The following KIAA1549L variants were observed in gnomAD, a reference collection of about 807,000 sequenced individuals.
KIAA1549L encodes KIAA1549 like.
A neutral mutation model predicts 160.7 loss-of-function variants in KIAA1549L; 88 were observed. The ratio of observed to expected loss-of-function variants is 0.55; its 90% CI spans 0.46 to 0.65. The LOEUF is 0.65. Among genes scored for constraint, KIAA1549L ranks in the 30% least tolerant of loss-of-function variants. The probability of loss-of-function intolerance (pLI) is 0.00; values close to 1 mark genes in which losing one functional copy is unlikely to be tolerated. For synonymous variants in KIAA1549L, 950 were observed against 976.7 expected, an observed-to-expected ratio of 0.97 and a Z score of 0.51; for missense variants, 2,258 against 2,437.5, an observed-to-expected ratio of 0.93 and a Z score of 1.55.
intron 1 of KIAA1549L, among the ~76,000 whole-genome samples, chr11:33,405,162 A>T (rs913589647): frequency 6.6e-6 from 1 of 152,206 alleles, no homozygotes; most frequent in Admixed American, 6.5e-5. Context: ...GAATGAAGAA[A>T]ATAGTAGTGA....
Position 33,669,820 on chromosome 11 carries a change from C to G in KIAA1549L, c.*1666C>G, listed in dbSNP as rs895143547. 6.6e-6 allele frequency: 1 copy of G among 152,242 alleles called. No individual in the cohort carries two copies. The highest frequency in any genetic ancestry group is 6.5e-5 in the Admixed American group (1 of 15,282). 9.4% of individuals were successfully genotyped at this position (152,242 alleles called of 1,614,324 possible). A position where few individuals can be genotyped will look rare whatever the true frequency, so the allele number is the denominator to read the frequency against. ...GATGATGTGTCATGGAACCTTCAAA[C>G]AAGTCTCTTGTTCGGATGATAATAG... On this transcript the variant is annotated 3_prime_UTR_variant, in exon 21 of 21. Coordinates refer to ENST00000658780, the MANE Select transcript of KIAA1549L (RefSeq NM_012194.3).
At chr11:33,557,112 C>T (rs1377816603) in intron 6 of KIAA1549L, among the ~76,000 whole-genome samples, 1 of 152,128 alleles carries the variant, frequency 6.6e-6, no homozygotes, top group Non-Finnish European at 1.5e-5. Context: ...CTCAGCCTCC[C>T]AAGCAGCTGG....
rs978472499 is a variant in KIAA1549L, at chr11:33,673,340, A to G, written c.*5186A>G. Reference sequence around the variant, plus strand: ...TGCAAATTATGGAGAGAGGCCATCAACATATTTTACATAAATTACTGTGGC... The same window carrying G: ...TGCAAATTATGGAGAGAGGCCATCAGCATATTTTACATAAATTACTGTGGC... On this transcript the variant is annotated 3_prime_UTR_variant, in exon 21 of 21. Coordinates refer to ENST00000658780, the MANE Select transcript of KIAA1549L (RefSeq NM_012194.3). 1.3e-5 allele frequency: 2 copies of G among 152,218 alleles called. No homozygotes were observed. Among genetic ancestry groups the G allele is most frequent in the African/African-American group, 4.8e-5 (2 of 41,442 alleles). The allele number at this position is 152,218 out of a possible 1,614,324, so 9.4% of individuals were successfully genotyped here. A position where few individuals can be genotyped will look rare whatever the true frequency, so the allele number is the denominator to read the frequency against.
At chr11:33,552,350 A>G in intron 6 of KIAA1549L, 109 bp downstream of exon 6, 1 of 1,206,154 alleles carries the variant, frequency 8.3e-7, no homozygotes, top group Non-Finnish European at 1.2e-6. Context: ...TATAAATGTA[A>G]CTTTGTACTT....
At chr11:33,387,971 C>A (rs1217095748) in intron 1 of KIAA1549L, among the ~76,000 whole-genome samples, 1 of 151,860 alleles carries the variant, frequency 6.6e-6, no homozygotes, top group Non-Finnish European at 1.5e-5. Flanking sequence ...AGTGTGAGGC[C>A]CAGATAAATA....
intron 16 of KIAA1549L, among the ~76,000 whole-genome samples, chr11:33,627,976 G>A (rs1265922073): frequency 1.3e-5 from 2 of 151,712 alleles, no homozygotes; most frequent in African/African-American, 4.8e-5. Context: ...AGAGATTCTG[G>A]TATGTTGTGT....
intron 1 of KIAA1549L, among the ~76,000 whole-genome samples, chr11:33,441,044 A>G (rs1249547213): frequency 6.6e-6 from 1 of 151,060 alleles, no homozygotes; most frequent in Non-Finnish European, 1.5e-5. Flanking sequence ...AGCATTAGGT[A>G]TATCTTCTAA....
chr11:33,486,435 G>T (rs998915113), intron 1 of KIAA1549L, among the ~76,000 whole-genome samples: 4 of 152,074 alleles, frequency 2.6e-5, no homozygotes, highest in Admixed American at 2.0e-4. Flanking sequence ...TAAGACATTT[G>T]TATGTTTTTT....
rs185912122 is a variant in KIAA1549L at position 33,413,412 on chromosome 11, G to T, written c.238+36523G>T. Among the ~76,000 whole-genome samples the T allele has an allele frequency of 7.5e-3, 1,117 of 149,116 alleles. 4 individuals carry two copies. Among genetic ancestry groups the T allele is most frequent in the Non-Finnish European group, 0.011 (731 of 67,570 alleles). ...GTGATCATGCCACTGCGCGCCAGCT[G>T]GGGAGACAGAGTGAGACCCTGTCTT... On this transcript the variant is annotated intron_variant, in intron 1 of 20. Coordinates refer to ENST00000658780, the MANE Select transcript of KIAA1549L (RefSeq NM_012194.3).
At chr11:33,386,965 G>C (rs1162999619) in intron 1 of KIAA1549L, among the ~76,000 whole-genome samples, 4 of 151,954 alleles carry the variant, frequency 2.6e-5, no homozygotes, top group Non-Finnish European at 5.9e-5. Flanking sequence ...AAATTAGCCA[G>C]GTATGGTGGT....
intron 1 of KIAA1549L, among the ~76,000 whole-genome samples, chr11:33,381,500 G>GC (rs1403013377): frequency 6.6e-6 from 1 of 152,208 alleles, no homozygotes; most frequent in Non-Finnish European, 1.5e-5. Context: ...AATTGAATGA[G>GC]CAAAGGGAGA....
chr11:33,626,463 A>G (rs1851116044), intron 16 of KIAA1549L, among the ~76,000 whole-genome samples: 1 of 149,872 alleles, frequency 6.7e-6, no homozygotes. Context: ...TTCTCCTTGA[A>G]GAGGTCCTTC....
chr11:33,412,534 TG>T (rs2134089310), intron 1 of KIAA1549L, among the ~76,000 whole-genome samples: 1 of 152,334 alleles, frequency 6.6e-6, no homozygotes, highest in South Asian at 2.1e-4. Flanking sequence ...GGTGCTGCTC[TG>T]GAACTAGTAT....
intron 1 of KIAA1549L, among the ~76,000 whole-genome samples, chr11:33,458,581 G>A (rs1047868008): frequency 6.6e-6 from 1 of 152,224 alleles, no homozygotes; most frequent in East Asian, 1.9e-4. Context: ...CTGTGTCAAA[G>A]CTGGCCTGTC....
At chr11:33,603,442 A>C (rs984168495) in intron 13 of KIAA1549L, among the ~76,000 whole-genome samples, 3 of 152,136 alleles carry the variant, frequency 2.0e-5, no homozygotes, top group African/African-American at 4.8e-5. Context: ...GATCTGGGAA[A>C]AGGGCATTCT....
intron 1 of KIAA1549L, among the ~76,000 whole-genome samples, chr11:33,474,692 G>C (rs1852248273): frequency 6.6e-6 from 1 of 152,172 alleles, no homozygotes; most frequent in African/African-American, 2.4e-5. Flanking sequence ...TTGGGAAGTG[G>C]GTTGGAGGAT....
intron 1 of KIAA1549L, among the ~76,000 whole-genome samples, chr11:33,419,134 A>G (rs1850946870): frequency 6.6e-6 from 1 of 152,014 alleles, no homozygotes; most frequent in Admixed American, 6.6e-5. Flanking sequence ...CAGCTTCCCA[A>G]AGTGCTGGGA....
At chr11:33,576,129 G>T (rs1855439873) in intron 10 of KIAA1549L, among the ~76,000 whole-genome samples, 1 of 152,094 alleles carries the variant, frequency 6.6e-6, no homozygotes, top group Admixed American at 6.6e-5. Context: ...TTTAGTATTT[G>T]GCAGCATACT....
At chr11:33,590,863 T>C (rs1472381838) in intron 11 of KIAA1549L, among the ~76,000 whole-genome samples, 1 of 152,236 alleles carries the variant, frequency 6.6e-6, no homozygotes, top group Non-Finnish European at 1.5e-5. Context: ...CAAACATTTC[T>C]AGGCAGGAGG....
Sources: allele counts gnomAD v4.1 joint callset (sites outside exome capture counted in the v4.1 genomes callset), GRCh38; gene constraint gnomAD v4.1.1; transcripts MANE v1.5; gene names NCBI Gene and HGNC (gene_info 2026-07-23, HGNC 2026-07-21).